RBFOX3: variants seen among roughly 807,000 people sequenced by gnomAD.
RBFOX3 encodes RNA binding protein fox-1 homolog 3.
Under a neutral mutation model 48.7 loss-of-function variants are expected in RBFOX3, and 17 were observed. The observed-to-expected ratio is 0.35, with a 90% CI of 0.24 to 0.52. The LOEUF is 0.52. Among genes scored for constraint, RBFOX3 ranks in the 20% least tolerant of loss-of-function variants. The pLI is 0.94. For missense variants in RBFOX3, 382 were observed against 497.5 expected (o/e 0.77, Z 2.21); for synonymous variants, 212 against 209.5 (o/e 1.01, Z -0.10).
intron 4 of RBFOX3, among the ~76,000 whole-genome samples, chr17:79,193,721 G>A (rs1165941298): frequency 6.6e-6 from 1 of 152,212 alleles, no homozygotes; most frequent in Admixed American, 6.5e-5. Context: ...AATCTTTACT[G>A]TATTGGAATT....
Position 79,094,508 on chromosome 17 carries a change from A to G in RBFOX3, c.1020T>C (p.Ala340=). 7.9e-7 allele frequency: 1 copy of G among 1,268,940 alleles called. No individual in the cohort carries two copies. The highest frequency in any genetic ancestry group is 1.0e-6 in the Non-Finnish European group (1 of 989,256). 78.6% of individuals were successfully genotyped at this position (1,268,940 alleles called of 1,614,324 possible). ...YSDSYGRVYA[A]ADPYHHTIGP... ...CGATGGTGTGATGGTACGGGTCGGC[A>G]GCTGCGTAGACTCTGCCGTAACTAG... The change falls in exon 14 of 15, where the codon GCT becomes GCC. Residue 340 remains alanine (A), a synonymous_variant. Transcript: ENST00000693108.
At chr17:79,524,685 C>T (rs1402806426) in intron 1 of RBFOX3, among the ~76,000 whole-genome samples, 5 of 151,928 alleles carry the variant, frequency 3.3e-5, no homozygotes, top group African/African-American at 1.2e-4. Flanking sequence ...TGCCCCCGGC[C>T]GGGCTGGGAG....
intron 4 of RBFOX3, among the ~76,000 whole-genome samples, chr17:79,148,136 C>T (rs889856212): frequency 2.0e-5 from 3 of 152,230 alleles, no homozygotes; most frequent in African/African-American, 4.8e-5. Flanking sequence ...CAGACAGGAA[C>T]ACGGTAGCCT....
chr17:79,449,761 C>A (rs949333237), intron 2 of RBFOX3, among the ~76,000 whole-genome samples: 7 of 152,072 alleles, frequency 4.6e-5, no homozygotes, highest in African/African-American at 1.7e-4. Context: ...TACATGGATG[C>A]AACCTCTTCA....
At chr17:79,415,641 T>G (rs557032782) in intron 2 of RBFOX3, among the ~76,000 whole-genome samples, 30 of 152,204 alleles carry the variant, frequency 2.0e-4, no homozygotes, top group African/African-American at 7.2e-4. Context: ...GGCAGGACAG[T>G]CACACAATTG....
chr17:79,327,703 CT>C (rs1230511407), intron 2 of RBFOX3, among the ~76,000 whole-genome samples: 1 of 152,204 alleles, frequency 6.6e-6, no homozygotes, highest in Admixed American at 6.6e-5. Flanking sequence ...CTTATTCCTT[CT>C]CTTTTTTTTG....
intron 1 of RBFOX3, among the ~76,000 whole-genome samples, chr17:79,499,979 C>T (rs1330753890): frequency 3.3e-5 from 5 of 152,220 alleles, no homozygotes; most frequent in Non-Finnish European, 5.9e-5. Context: ...CTGGGCCTGC[C>T]GTGGGACTTG....
chr17:79,144,814 T>C (rs1599656221), intron 4 of RBFOX3, among the ~76,000 whole-genome samples: 1 of 152,100 alleles, frequency 6.6e-6, no homozygotes, highest in South Asian at 2.1e-4. Context: ...GCCTGAAGTG[T>C]AGATGTGTCA....
At chr17:79,385,694 A>G (rs530849147) in intron 2 of RBFOX3, among the ~76,000 whole-genome samples, 68 of 152,330 alleles carry the variant, frequency 4.5e-4, no homozygotes, top group Admixed American at 1.4e-3. Flanking sequence ...CCTGTGACAG[A>G]CGGGCTCCAT....
intron 4 of RBFOX3, among the ~76,000 whole-genome samples, chr17:79,152,858 G>A (rs557717332): frequency 5.9e-5 from 9 of 152,292 alleles, no homozygotes; most frequent in Non-Finnish European, 1.2e-4. Flanking sequence ...GCCGGCCTCC[G>A]GGACTTCGCC....
intron 1 of RBFOX3, among the ~76,000 whole-genome samples, chr17:79,557,586 C>A (rs2091877704): frequency 6.6e-6 from 1 of 152,162 alleles, no homozygotes; most frequent in African/African-American, 2.4e-5. Context: ...GGATCCCCAG[C>A]CCATTTTCAT....
intron 2 of RBFOX3, among the ~76,000 whole-genome samples, chr17:79,451,910 C>T (rs1877680): frequency 0.78 from 119,325 of 152,180 alleles, 47,393 homozygotes; most frequent in Non-Finnish European, 0.86. Context: ...CCTTCCCCCA[C>T]GCCCACAGCA....
At chr17:79,485,022 G>C (rs902376298) in intron 1 of RBFOX3, among the ~76,000 whole-genome samples, 27 of 152,278 alleles carry the variant, frequency 1.8e-4, no homozygotes, top group Non-Finnish European at 2.5e-4. Flanking sequence ...CTCCTCCCCA[G>C]ACAGGGCTCC....
At chr17:79,430,584 T>TCTGTC (rs2068251143) in intron 2 of RBFOX3, among the ~76,000 whole-genome samples, 1 of 152,254 alleles carries the variant, frequency 6.6e-6, no homozygotes, top group Non-Finnish European at 1.5e-5. Flanking sequence ...TCTCACTGTG[T>TCTGTC]CACCCAGGTG....
At chr17:79,527,648 T>C (rs1268134988) in intron 1 of RBFOX3, among the ~76,000 whole-genome samples, 1 of 152,270 alleles carries the variant, frequency 6.6e-6, no homozygotes, top group Non-Finnish European at 1.5e-5. Context: ...TGGCTCCTTA[T>C]GCAAATCAAG....
chr17:79,185,135 G>A (rs1023376109), intron 4 of RBFOX3, among the ~76,000 whole-genome samples: 3 of 151,680 alleles, frequency 2.0e-5, no homozygotes, highest in Non-Finnish European at 4.4e-5. Context: ...TGTGGAGTCC[G>A]GGAGGGAGGC....
intron 2 of RBFOX3, among the ~76,000 whole-genome samples, chr17:79,439,472 T>G (rs1295574368): frequency 6.6e-6 from 1 of 152,234 alleles, no homozygotes; most frequent in Non-Finnish European, 1.5e-5. Context: ...TGACCATGAC[T>G]GGTGTCTGGC....
Position 79,423,182 on chromosome 17 carries a change from C to A in RBFOX3, c.-175+59272G>T, listed in dbSNP as rs2066744433. On this transcript the variant is annotated intron_variant, in intron 2 of 14. Coordinates refer to ENST00000693108, the MANE Select transcript of RBFOX3 (RefSeq NM_001350451.2). This position sits in a 1 kb window ranked among gnomAD's most constrained non-coding sequence, Gnocchi z 4.9. ...AGTTTTCAAACGTGTCTTGGCGTCA[C>A]ATGTCCAAAACCAAACTCCTCACGT... Among the ~76,000 whole-genome samples the A allele has an allele frequency of 6.6e-6, 1 of 152,190 alleles. No homozygotes were observed. The highest frequency in any genetic ancestry group is 1.5e-5 in the Non-Finnish European group (1 of 68,034).
At chr17:79,187,392 G>A (rs1009547437) in intron 4 of RBFOX3, among the ~76,000 whole-genome samples, 2 of 152,206 alleles carry the variant, frequency 1.3e-5, no homozygotes, top group Non-Finnish European at 2.9e-5. Context: ...GCGCTCCCAG[G>A]ACAAGGAGTG....
Sources: allele counts gnomAD v4.1 joint callset (sites outside exome capture counted in the v4.1 genomes callset), GRCh38; gene constraint gnomAD v4.1.1; non-coding constraint Gnocchi (gnomAD v3.1); transcripts MANE v1.5; gene names NCBI Gene and HGNC (gene_info 2026-07-23, HGNC 2026-07-21).